C8orf34: variants seen among roughly 807,000 people sequenced by gnomAD.
The protein encoded by C8orf34 is chromosome 8 open reading frame 34, also known as uncharacterized protein C8orf34.
Under a neutral mutation model 68.3 loss-of-function variants are expected in C8orf34, and 65 were observed. That is an observed-to-expected ratio of 0.95 (90% CI 0.78 to 1.17). The LOEUF (loss-of-function observed/expected upper bound fraction) is 1.17, where lower values mean the gene tolerates loss of function less well. Ranked by LOEUF, C8orf34 falls within the 50% of genes most tolerant of loss-of-function variation. The pLI, the probability that C8orf34 is intolerant of heterozygous loss-of-function variation, is 0.00. For synonymous variants in C8orf34, 244 were observed against 241.2 expected (o/e 1.01, Z -0.11); for missense variants, 664 against 655.4 (o/e 1.01, Z -0.14).
At chr8:68,698,051 C>T (rs1177214625) in intron 8 of C8orf34, among the ~76,000 whole-genome samples, 1 of 151,976 alleles carries the variant, frequency 6.6e-6, no homozygotes, top group Non-Finnish European at 1.5e-5. Flanking sequence ...ATTTACTCTT[C>T]AAAACAATTT....
At chr8:68,370,045 C>G (rs571165049) in intron 1 of C8orf34, among the ~76,000 whole-genome samples, 35 of 152,288 alleles carry the variant, frequency 2.3e-4, no homozygotes, top group African/African-American at 8.2e-4. Flanking sequence ...ATAAATGCAG[C>G]AACTTTGGGA....
At chr8:68,415,402 C>T (rs1453403823) in intron 1 of C8orf34, among the ~76,000 whole-genome samples, 1 of 151,990 alleles carries the variant, frequency 6.6e-6, no homozygotes, top group African/African-American at 2.4e-5. Flanking sequence ...ATCATTTGAA[C>T]CCAGGAGGCA....
At chr8:68,331,599 G>A (rs1474227935) in intron 1 of C8orf34, 3 of 514,214 alleles carry the variant, frequency 5.8e-6, no homozygotes, top group South Asian at 2.0e-5. Flanking sequence ...GGCAGGGGAA[G>A]TTTTGGCCCT....
intron 10 of C8orf34, among the ~76,000 whole-genome samples, chr8:68,746,492 C>A (rs1213370219): frequency 0.053 from 2 of 38 alleles, no homozygotes; most frequent in Non-Finnish European, 0.062. Flanking sequence ...CGCTAGCAAG[C>A]TAATAAAGAA....
At chr8:68,656,347 T>C (rs1463144435) in intron 8 of C8orf34, among the ~76,000 whole-genome samples, 2 of 152,212 alleles carry the variant, frequency 1.3e-5, no homozygotes, top group African/African-American at 2.4e-5. Context: ...TCACAGACAT[T>C]AATTCATGTA....
At chr8:68,486,632 T>G (rs1457826682) in intron 4 of C8orf34, among the ~76,000 whole-genome samples, 2 of 152,192 alleles carry the variant, frequency 1.3e-5, no homozygotes, top group Non-Finnish European at 2.9e-5. Flanking sequence ...ATTGATTCAT[T>G]AGGTTAGTGG....
intron 9 of C8orf34, among the ~76,000 whole-genome samples, chr8:68,715,417 A>G (rs899325471): frequency 2.6e-5 from 4 of 152,074 alleles, no homozygotes; most frequent in Admixed American, 2.0e-4. Context: ...AAAGAACTCA[A>G]ATCAGCAAGA....
chr8:68,444,371 C>T (rs1811036108), intron 2 of C8orf34, among the ~76,000 whole-genome samples: 1 of 152,106 alleles, frequency 6.6e-6, no homozygotes, highest in Admixed American at 6.5e-5. Flanking sequence ...AAAATAGTCA[C>T]AGTCACATTC....
chr8:68,553,722 G>C (rs894311529), intron 7 of C8orf34, among the ~76,000 whole-genome samples: 6 of 151,860 alleles, frequency 4.0e-5, no homozygotes, highest in African/African-American at 1.5e-4. Flanking sequence ...AGTAATTTAA[G>C]CCTCCTCTCT....
intron 1 of C8orf34, chr8:68,438,158 G>C (rs1810741141): frequency 6.6e-6 from 1 of 152,058 alleles, no homozygotes; most frequent in Non-Finnish European, 1.5e-5. Context: ...TTCAGCACCA[G>C]CTATGAGCTA....
At chr8:68,359,365 A>G (rs1025623073) in intron 1 of C8orf34, among the ~76,000 whole-genome samples, 1 of 152,110 alleles carries the variant, frequency 6.6e-6, no homozygotes, top group Non-Finnish European at 1.5e-5. Context: ...ATTGTTTTAG[A>G]TGATTTAGTC....
intron 10 of C8orf34, among the ~76,000 whole-genome samples, chr8:68,774,294 A>C (rs1023127597): frequency 7.3e-6 from 1 of 137,142 alleles, no homozygotes; most frequent in African/African-American, 3.0e-5. Context: ...CACCTCTAAG[A>C]AACAGTTTAT....
At chr8:68,706,590 G>C (rs920899753) in intron 8 of C8orf34, among the ~76,000 whole-genome samples, 5 of 152,212 alleles carry the variant, frequency 3.3e-5, no homozygotes, top group Admixed American at 1.3e-4. Context: ...TCGGAGACCA[G>C]AACACTGGAC....
intron 10 of C8orf34, among the ~76,000 whole-genome samples, chr8:68,754,118 A>G (rs1252009568): frequency 6.6e-6 from 1 of 152,172 alleles, no homozygotes; most frequent in Non-Finnish European, 1.5e-5. Context: ...CTTAAAAAAT[A>G]AAAAAGGGCC....
In C8orf34 at chr8:68,597,341, T is replaced by A. The variant is rs79875141; in HGVS notation, c.1106-43035T>A. Among the ~76,000 whole-genome samples, 552 of 152,248 alleles carry A rather than the reference T, an allele frequency of 3.6e-3. 6 individuals are homozygous for A. Among genetic ancestry groups the A allele is most frequent in the African/African-American group, 0.013 (529 of 41,562 alleles). On this transcript the variant is annotated intron_variant, in intron 7 of 13. Coordinates refer to ENST00000518698, the MANE Select transcript of C8orf34 (RefSeq NM_052958.4). ...AGACTGTTCTTATGGCTGGGATTTT[T>A]AAAATATGTATGAAGTAAGGTGTTA...
At chr8:68,787,271 G>GT (rs1823870511) in intron 11 of C8orf34, among the ~76,000 whole-genome samples, 172 bp from the exon 12 acceptor site, 1 of 152,074 alleles carries the variant, frequency 6.6e-6, no homozygotes, top group African/African-American at 2.4e-5. Context: ...AGAGTTTGTA[G>GT]TATGTCTATG....
At chr8:68,404,677 A>T (rs549700481) in intron 1 of C8orf34, among the ~76,000 whole-genome samples, 1 of 152,228 alleles carries the variant, frequency 6.6e-6, no homozygotes, top group South Asian at 2.1e-4. Context: ...CAAAGATCAG[A>T]TTGTTGTAGA....
At chr8:68,756,098 C>A (rs981362918) in intron 10 of C8orf34, among the ~76,000 whole-genome samples, 14 of 123,972 alleles carry the variant, frequency 1.1e-4, no homozygotes, top group African/African-American at 4.1e-4. Flanking sequence ...AAAAAAAAAA[C>A]CAGAGTGACT....
At chr8:68,523,941 T>C (rs7016519) in intron 6 of C8orf34, among the ~76,000 whole-genome samples, 6,953 of 152,236 alleles carry the variant, frequency 0.046, 540 homozygotes, top group African/African-American at 0.16. Context: ...CCTCACCCTC[T>C]CCACTGGGGC....
Sources: allele counts gnomAD v4.1 joint callset (sites outside exome capture counted in the v4.1 genomes callset), GRCh38; gene constraint gnomAD v4.1.1; transcripts MANE v1.5; gene names NCBI Gene and HGNC (gene_info 2026-07-23, HGNC 2026-07-21).